The following BBX variants were observed in gnomAD, a reference collection of about 807,000 sequenced individuals.
The protein encoded by BBX is HMG box transcription factor BBX.
A neutral mutation model predicts 100.2 loss-of-function variants in BBX; 30 were observed. The observed-to-expected ratio is 0.30, with a 90% CI of 0.22 to 0.41. BBX has a LOEUF of 0.41. Ranked by LOEUF, BBX falls within the 10% of genes least tolerant of loss-of-function variation. The pLI, the probability that BBX is intolerant of heterozygous loss-of-function variation, is 1.00. For missense variants in BBX, 1,023 were observed against 1,129.8 expected, an observed-to-expected ratio of 0.91 and a Z score of 1.35; for synonymous variants, 376 against 388.1, an observed-to-expected ratio of 0.97 and a Z score of 0.37.
At chr3:107,598,644 CTA>C (rs2053833785) in intron 2 of BBX, among the ~76,000 whole-genome samples, 1 of 152,068 alleles carries the variant, frequency 6.6e-6, no homozygotes, top group South Asian at 2.1e-4. Context: ...GAAAATGAAA[CTA>C]GAGAGGTTAT....
At chr3:107,604,578 G>C (rs2054293128) in intron 2 of BBX, among the ~76,000 whole-genome samples, 1 of 152,078 alleles carries the variant, frequency 6.6e-6, no homozygotes, top group Non-Finnish European at 1.5e-5. Context: ...TTCTGTACAT[G>C]ACACTTCTGT....
intron 2 of BBX, among the ~76,000 whole-genome samples, chr3:107,553,531 T>C (rs1275638470): frequency 6.6e-6 from 1 of 152,174 alleles, no homozygotes. Context: ...GTATGAGAAC[T>C]GTGTCTATGA....
chr3:107,691,049 G>A (rs531945159), intron 3 of BBX, among the ~76,000 whole-genome samples: 20 of 151,762 alleles, frequency 1.3e-4, no homozygotes, highest in African/African-American at 4.6e-4. Flanking sequence ...TAGGACCACC[G>A]GTGTGCACCA....
chr3:107,625,806 C>G (rs541892736), intron 2 of BBX, among the ~76,000 whole-genome samples: 58 of 152,168 alleles, frequency 3.8e-4, no homozygotes, highest in African/African-American at 1.3e-3. Flanking sequence ...TTTTATTTCT[C>G]TTTGTTTTTA....
intron 10 of BBX, 107 bp downstream of exon 10, chr3:107,755,785 G>T (rs1469417413): frequency 1.1e-6 from 1 of 907,886 alleles, no homozygotes; most frequent in East Asian, 2.5e-5. Context: ...ACCATAAAAT[G>T]AGTTACATCT....
chr3:107,727,114 A>T (rs1473440480), intron 5 of BBX, among the ~76,000 whole-genome samples: 2 of 152,078 alleles, frequency 1.3e-5, no homozygotes, highest in Admixed American at 6.6e-5. Flanking sequence ...AAAAATAGAT[A>T]ATTTTATTTC....
chr3:107,802,481 G>A lies in BBX; in HGVS notation c.2738+1200G>A, dbSNP rs139945723. 1.1e-4 allele frequency among the ~76,000 whole-genome samples: 17 copies of A among 152,322 alleles called. No individual in the cohort carries two copies. In the East Asian group the frequency reaches 2.1e-3, roughly 19 times the overall value. The stretch of plus-strand genomic sequence containing the variant: ...ACAATGCACAGATACTTCTCCATTT[G>A]TGGAGTTGTGCAGTCAAGGATAGAG... On this transcript the variant is annotated intron_variant, in intron 17 of 17. Coordinates refer to ENST00000325805, the MANE Select transcript of BBX (RefSeq NM_001142568.3).
chr3:107,689,047 T>A (rs1576343676), intron 3 of BBX, among the ~76,000 whole-genome samples: 1 of 152,194 alleles, frequency 6.6e-6, no homozygotes, highest in African/African-American at 2.4e-5. Flanking sequence ...TTTTCCTTAT[T>A]TTTTTCCCCC....
chr3:107,716,682 GC>G lies in BBX; in HGVS notation c.241del (p.Arg81GlyfsTer4). ...TEDDESPEQR[A>X]RRPMNAFLLF... is the part of the protein sequence containing the mutation. ...AGATGATGAATCACCAGAGCAGCGA[GC>G]CCGGAGACCAATGAATGCATTTCTT... On this transcript the variant is annotated frameshift_variant, in exon 5 of 18. Transcript: ENST00000325805. LOFTEE classifies it high-confidence loss of function. The G allele has an allele frequency of 1.2e-6, 2 of 1,613,834 alleles. No homozygotes were observed. The highest frequency in any genetic ancestry group is 1.7e-5 in the Admixed American group (1 of 59,978).
intron 2 of BBX, among the ~76,000 whole-genome samples, chr3:107,591,590 T>C (rs925109365): frequency 6.6e-6 from 1 of 152,214 alleles, no homozygotes; most frequent in Non-Finnish European, 1.5e-5. Flanking sequence ...CTGCCTCAAC[T>C]GATCCTCCTG....
intron 1 of BBX, among the ~76,000 whole-genome samples, chr3:107,524,738 A>AACT (rs2047623770): frequency 7.4e-6 from 1 of 135,684 alleles, no homozygotes; most frequent in African/African-American, 2.8e-5. Flanking sequence ...CAATATTTTA[A>AACT]CTGTCTGTGG....
At chr3:107,678,661 T>G (rs2059409508) in intron 3 of BBX, among the ~76,000 whole-genome samples, 1 of 152,162 alleles carries the variant, frequency 6.6e-6, no homozygotes, top group East Asian at 1.9e-4. Flanking sequence ...AAGGTCAAGC[T>G]ACAGCAGTGA....
intron 4 of BBX, chr3:107,711,512 C>T (rs1018887987): frequency 8.6e-6 from 3 of 347,936 alleles, no homozygotes; most frequent in Non-Finnish European, 1.7e-5. Context: ...GAATTAAAAA[C>T]AATTTTACTC....
At chr3:107,641,018 A>G (rs1438036242) in intron 2 of BBX, among the ~76,000 whole-genome samples, 1 of 152,030 alleles carries the variant, frequency 6.6e-6, no homozygotes, top group African/African-American at 2.4e-5. Flanking sequence ...CCCAAACAGT[A>G]AAAGGCTACA....
rs1162472411 is a variant in BBX at position 107,751,367 on chromosome 3, C to T, written c.825+3328C>T. ...ATCAGGCGTGCAAAATTCTCAGAAA[C>T]TATTTCCGTTCATTTTATTTACAAA... On this transcript the variant is annotated intron_variant, in intron 9 of 17. Coordinates refer to ENST00000325805, the MANE Select transcript of BBX (RefSeq NM_001142568.3). Among the ~76,000 whole-genome samples the T allele has an allele frequency of 3.3e-5, 5 of 152,232 alleles. No individual in the cohort carries two copies. The East Asian group carries it at 9.6e-4, about 29-fold the overall frequency.
chr3:107,728,412 T>G (rs1423965704), intron 5 of BBX, among the ~76,000 whole-genome samples: 1 of 152,166 alleles, frequency 6.6e-6, no homozygotes, highest in Non-Finnish European at 1.5e-5. Flanking sequence ...AGTGGAAGTT[T>G]GAGGGTTTGA....
chr3:107,722,741 T>C (rs573892414), intron 5 of BBX, among the ~76,000 whole-genome samples: 89 of 152,146 alleles, frequency 5.8e-4, no homozygotes, highest in African/African-American at 2.1e-3. Context: ...GTCAGTGAAA[T>C]AGTCTAATTT....
intron 5 of BBX, among the ~76,000 whole-genome samples, chr3:107,717,712 G>T (rs1414986208): frequency 1.3e-5 from 2 of 152,042 alleles, no homozygotes; most frequent in East Asian, 3.9e-4. Flanking sequence ...TTCAAAAGTT[G>T]TATCATGGTT....
rs896780914 is a variant in BBX, at chr3:107,810,652, G to C, written c.*5195G>C. On this transcript the variant is annotated 3_prime_UTR_variant, in exon 18 of 18. Coordinates refer to ENST00000325805, the MANE Select transcript of BBX (RefSeq NM_001142568.3). ...GCCTCAGCTCTAAGAGCCGTGGAAC[G>C]GGGGGTAGGGAAGGTTTGCGATCTG... 3 of 152,226 alleles carry C rather than the reference G, an allele frequency of 2.0e-5. No individual in the cohort carries two copies. The highest frequency in any genetic ancestry group is 2.1e-4 in the South Asian group (1 of 4,830). 9.4% of individuals were successfully genotyped at this position (152,226 alleles called of 1,614,324 possible).
Sources: allele counts gnomAD v4.1 joint callset (sites outside exome capture counted in the v4.1 genomes callset), GRCh38; gene constraint gnomAD v4.1.1; transcripts MANE v1.5; gene names NCBI Gene and HGNC (gene_info 2026-07-23, HGNC 2026-07-21).